GRID1: variants seen among roughly 807,000 people sequenced by gnomAD.
The protein encoded by GRID1 is glutamate ionotropic receptor delta type subunit 1.
In GRID1, 28 loss-of-function variants were observed where a neutral mutation model predicts 98.0. The ratio of observed to expected loss-of-function variants is 0.29; its 90% CI spans 0.21 to 0.39. The LOEUF (loss-of-function observed/expected upper bound fraction) is 0.39, where lower values mean the gene tolerates loss of function less well. GRID1 is among the 10% of genes least tolerant of loss of function. The probability of loss-of-function intolerance (pLI) is 1.00; values close to 1 mark genes in which losing one functional copy is unlikely to be tolerated. For missense variants in GRID1, 1,111 were observed against 1,340.5 expected, an observed-to-expected ratio of 0.83 and a Z score of 2.67; for synonymous variants, 553 against 538.5, an observed-to-expected ratio of 1.03 and a Z score of -0.37.
intron 8 of GRID1, among the ~76,000 whole-genome samples, chr10:85,733,592 T>C (rs924847320): frequency 1.3e-5 from 2 of 152,014 alleles, no homozygotes; most frequent in Non-Finnish European, 2.9e-5. Flanking sequence ...TACAGAAAAA[T>C]GTGTTGAGAT....
At chr10:86,003,511 G>A (rs1345452702) in intron 4 of GRID1, among the ~76,000 whole-genome samples, 2 of 152,232 alleles carry the variant, frequency 1.3e-5, no homozygotes, top group Admixed American at 1.3e-4. Context: ...TGAGAGCTCA[G>A]GCAGCTTCTG....
At chr10:85,930,046 T>G (rs1841827500) in intron 4 of GRID1, among the ~76,000 whole-genome samples, 1 of 152,232 alleles carries the variant, frequency 6.6e-6, no homozygotes, top group Non-Finnish European at 1.5e-5. Flanking sequence ...CTAAGCCAAA[T>G]AGTAGACTAT....
At chr10:85,663,905 T>C (rs1840992595) in intron 12 of GRID1, among the ~76,000 whole-genome samples, 1 of 152,210 alleles carries the variant, frequency 6.6e-6, no homozygotes, top group Admixed American at 6.5e-5. Context: ...CCAATCCAGG[T>C]ATTGAATGTG....
chr10:85,825,882 TAA>T (rs1414546422), intron 8 of GRID1, among the ~76,000 whole-genome samples: 4 of 152,062 alleles, frequency 2.6e-5, no homozygotes, highest in African/African-American at 9.7e-5. Context: ...TATATAAATT[TAA>T]GTTATGAAAG....
At chr10:86,351,815 A>C (rs577208645) in intron 2 of GRID1, among the ~76,000 whole-genome samples, 20 of 152,316 alleles carry the variant, frequency 1.3e-4, no homozygotes, top group African/African-American at 4.8e-4. Context: ...CAATAACTGT[A>C]GCTGTTCTTT....
chr10:86,271,086 CA>C, intron 2 of GRID1, among the ~76,000 whole-genome samples: 1 of 152,154 alleles, frequency 6.6e-6, no homozygotes, highest in East Asian at 1.9e-4. Context: ...AACTCCCACT[CA>C]AGTGTTCAGC....
intron 8 of GRID1, among the ~76,000 whole-genome samples, chr10:85,817,520 T>C (rs756550102): frequency 6.1e-4 from 92 of 150,960 alleles, no homozygotes; most frequent in Admixed American, 5.3e-4. Context: ...AGCAAGACTC[T>C]ATCTCAATAA....
chr10:86,245,635 C>T lies in GRID1; in HGVS notation c.236-38987G>A, dbSNP rs186232879. On this transcript the variant is annotated intron_variant, in intron 2 of 15. Transcript: ENST00000327946. ...ACAGAGAAGGCCCCACCCAAAGGAA[C>T]TGCCTGTGACAGTGCTGTCCCCAAG... Among the ~76,000 whole-genome samples the T allele has an allele frequency of 1.2e-4, 18 of 152,378 alleles. No individual in the cohort carries two copies. The East Asian group carries it at 1.9e-3, about 16-fold the overall frequency.
intron 5 of GRID1, among the ~76,000 whole-genome samples, chr10:85,880,132 A>T (rs543329231): frequency 6.6e-6 from 1 of 152,358 alleles, no homozygotes; most frequent in South Asian, 2.1e-4. Context: ...AATAATCAAT[A>T]GCTTACCAAC....
chr10:85,839,130 C>T (rs1245881122), intron 8 of GRID1, among the ~76,000 whole-genome samples: 1 of 152,152 alleles, frequency 6.6e-6, no homozygotes, highest in African/African-American at 2.4e-5. Flanking sequence ...CACAGGATCA[C>T]CAAGATTCAT....
At chr10:86,292,003 T>G (rs1213105606) in intron 2 of GRID1, among the ~76,000 whole-genome samples, 1 of 152,184 alleles carries the variant, frequency 6.6e-6, no homozygotes, top group Non-Finnish European at 1.5e-5. Flanking sequence ...TCCTTCACTG[T>G]CATCATCACC....
At position 85,712,736 on chromosome 10, in the gene GRID1, A is replaced by G. The variant is rs541247165; in HGVS notation, c.1997+10267T>C. ...ATATCAAGTATCTTCACCAGCCACA[A>G]TGCTATGAAACTAGAAATCAATAAC... On this transcript the variant is annotated intron_variant, in intron 12 of 15. Coordinates refer to ENST00000327946, the MANE Select transcript of GRID1 (RefSeq NM_017551.3). 3.9e-5 allele frequency among the ~76,000 whole-genome samples: 6 copies of G among 151,996 alleles called. No individual in the cohort carries two copies. In the East Asian group the frequency reaches 1.2e-3, roughly 29 times the overall value.
chr10:85,711,896 G>A (rs746630521), intron 12 of GRID1, among the ~76,000 whole-genome samples: 6 of 151,626 alleles, frequency 4.0e-5, no homozygotes, highest in Non-Finnish European at 4.4e-5. Flanking sequence ...CATAACTTTT[G>A]TATATTATTG....
At chr10:86,359,771 T>TA (rs2132122437) in intron 2 of GRID1, among the ~76,000 whole-genome samples, 1 of 152,380 alleles carries the variant, frequency 6.6e-6, no homozygotes. Flanking sequence ...TGCATTTATA[T>TA]AAACTCCTAC....
At chr10:85,989,138 C>G (rs1010203478) in intron 4 of GRID1, among the ~76,000 whole-genome samples, 1 of 152,090 alleles carries the variant, frequency 6.6e-6, no homozygotes, top group Non-Finnish European at 1.5e-5. Context: ...CTGGGGTGAT[C>G]AGGGCAGGGG....
At chr10:86,169,876 T>G (rs1378491679) in intron 3 of GRID1, among the ~76,000 whole-genome samples, 2 of 152,206 alleles carry the variant, frequency 1.3e-5, no homozygotes, top group African/African-American at 4.8e-5. Context: ...CTGGGTCTTC[T>G]GAGGATCCCT....
chr10:85,714,573 A>G (rs1400444548), intron 12 of GRID1, among the ~76,000 whole-genome samples: 2 of 152,058 alleles, frequency 1.3e-5, no homozygotes, highest in African/African-American at 2.4e-5. Flanking sequence ...AAACATACAA[A>G]AATCAGGAAT....
chr10:85,720,714 T>C (rs1363808740), intron 12 of GRID1, among the ~76,000 whole-genome samples: 1 of 151,506 alleles, frequency 6.6e-6, no homozygotes, highest in African/African-American at 2.4e-5. Flanking sequence ...CCTCAAACTT[T>C]ATAAAATTAT....
intron 15 of GRID1, among the ~76,000 whole-genome samples, chr10:85,603,878 C>A (rs965234051): frequency 6.6e-6 from 1 of 152,176 alleles, no homozygotes; most frequent in Non-Finnish European, 1.5e-5. Context: ...AGGAACCCAT[C>A]CCCTGTCCAC....
Sources: allele counts gnomAD v4.1 joint callset (sites outside exome capture counted in the v4.1 genomes callset), GRCh38; gene constraint gnomAD v4.1.1; transcripts MANE v1.5; gene names NCBI Gene and HGNC (gene_info 2026-07-23, HGNC 2026-07-21).